The following MIA2 variants were observed in gnomAD, a reference collection of about 807,000 sequenced individuals.
MIA2 encodes MIA SH3 domain ER export factor 2, also known as melanoma inhibitory activity protein 2.
MIA2 carries 127 observed loss-of-function variants against 167.8 expected under a neutral mutation model. That is an observed-to-expected ratio of 0.76 (90% CI 0.66 to 0.88). The LOEUF is 0.88. MIA2 is among the 40% of genes least tolerant of loss of function. The pLI, the probability that MIA2 is intolerant of heterozygous loss-of-function variation, is 0.00. For synonymous variants in MIA2, 552 were observed against 541.9 expected, an observed-to-expected ratio of 1.02 and a Z score of -0.26; for missense variants, 1,690 against 1,624.7, an observed-to-expected ratio of 1.04 and a Z score of -0.69.
chr14:39,247,016 A>T lies in MIA2; in HGVS notation c.442A>T (p.Lys148Ter), dbSNP rs771251525. ...AAATATATATCCTTATGAAGAAGATAAAGATGAAAAATCTAGTATATATGA... is the reference window on the plus strand; with the variant it reads ...AAATATATATCCTTATGAAGAAGATTAAGATGAAAAATCTAGTATATATGA... ...GENIYPYEED[K>*]DEKSSIYESD... Residue 148 changes from lysine (K) to a stop codon, truncating the protein, a stop_gained, in exon 4 of 29, where the codon AAA becomes TAA. Transcript: ENST00000640607. LOFTEE classifies it high-confidence loss of function. 1.3e-6 allele frequency: 2 copies of T among 1,590,836 alleles called. No homozygotes were observed. Among genetic ancestry groups the T allele is most frequent in the African/African-American group, 1.4e-5 (1 of 73,484 alleles).
At chr14:39,357,058 T>C (rs1297181527) in intron 23 of MIA2, among the ~76,000 whole-genome samples, 1 of 152,226 alleles carries the variant, frequency 6.6e-6, no homozygotes, top group East Asian at 1.9e-4. Context: ...TCTGTAGATA[T>C]CTATTAGGTC....
chr14:39,245,926 C>T (rs1340904244), intron 3 of MIA2, among the ~76,000 whole-genome samples: 2 of 152,210 alleles, frequency 1.3e-5, no homozygotes, highest in Middle Eastern at 3.4e-3. Context: ...AACCCTACCT[C>T]AAATCAAGGC....
chr14:39,292,626 AT>A, intron 10 of MIA2: 1 of 273,306 alleles, frequency 3.7e-6, no homozygotes, highest in South Asian at 3.3e-5. Flanking sequence ...TTTTGCTTTT[AT>A]TTTGGCCTGC....
downstream of MIA2, chr14:39,351,122 G>A (rs1349756152): frequency 6.6e-6 from 1 of 152,064 alleles, no homozygotes; most frequent in African/African-American, 2.4e-5. Context: ...GTCATGTTAA[G>A]CTTCTTGCAC....
chr14:39,371,780 C>T (rs1410074620), intron 23 of MIA2, among the ~76,000 whole-genome samples: 1 of 152,186 alleles, frequency 6.6e-6, no homozygotes, highest in East Asian at 1.9e-4. Flanking sequence ...TTCACAGTTA[C>T]ATCTAATGAC....
intron 2 of MIA2, among the ~76,000 whole-genome samples, chr14:39,238,457 G>A (rs143723494): frequency 1.3e-3 from 194 of 152,220 alleles, no homozygotes; most frequent in African/African-American, 4.3e-3. Flanking sequence ...ACAGGCGTGA[G>A]CCACTATGCC....
chr14:39,357,189 G>A (rs1257468823), intron 23 of MIA2, among the ~76,000 whole-genome samples: 1 of 152,182 alleles, frequency 6.6e-6, no homozygotes, highest in Non-Finnish European at 1.5e-5. Context: ...GGGAGTCTTA[G>A]TCCCTTTGTA....
At chr14:39,245,606 T>C (rs1157115667) in intron 3 of MIA2, among the ~76,000 whole-genome samples, 3 of 152,118 alleles carry the variant, frequency 2.0e-5, no homozygotes, top group Non-Finnish European at 4.4e-5. Flanking sequence ...ACTGGATACC[T>C]TACAAAGAAA....
intron 23 of MIA2, among the ~76,000 whole-genome samples, chr14:39,366,988 G>A (rs759035968): frequency 6.6e-6 from 1 of 152,194 alleles, no homozygotes; most frequent in Non-Finnish European, 1.5e-5. Context: ...TGCCAGTGGC[G>A]CACGCTTGGG....
intron 25 of MIA2, among the ~76,000 whole-genome samples, chr14:39,343,121 G>T (rs1293339364): frequency 6.6e-6 from 1 of 151,988 alleles, no homozygotes; most frequent in Non-Finnish European, 1.5e-5. Flanking sequence ...TAGGTAATAG[G>T]GTATGCACAC....
chr14:39,378,016 G>A (rs2075077144), intron 23 of MIA2, among the ~76,000 whole-genome samples: 1 of 152,060 alleles, frequency 6.6e-6, no homozygotes, highest in South Asian at 2.1e-4. Flanking sequence ...TTTCCAAGGG[G>A]CTCCAGTTAT....
intron 6 of MIA2, among the ~76,000 whole-genome samples, chr14:39,258,348 T>G (rs2054916402): frequency 6.6e-6 from 1 of 152,252 alleles, no homozygotes; most frequent in South Asian, 2.1e-4. Flanking sequence ...CTTCAGTCTC[T>G]GATATCCTTT....
chr14:39,269,607 C>T (rs953020444), intron 6 of MIA2, among the ~76,000 whole-genome samples: 1 of 151,630 alleles, frequency 6.6e-6, no homozygotes, highest in African/African-American at 2.4e-5. Flanking sequence ...GCAGCTTAGA[C>T]CTCTCTGGCT....
chr14:39,301,145 C>G (rs957401919), intron 14 of MIA2, among the ~76,000 whole-genome samples: 1 of 151,802 alleles, frequency 6.6e-6, no homozygotes, highest in Admixed American at 6.6e-5. Flanking sequence ...ATTGCAACCT[C>G]TGCCTCGTGG....
intron 23 of MIA2, among the ~76,000 whole-genome samples, chr14:39,369,845 C>G (rs60707380): frequency 7.1e-6 from 1 of 141,534 alleles, no homozygotes; most frequent in Non-Finnish European, 1.5e-5. Flanking sequence ...TTTTGTTTTT[C>G]TCCCCCCTAT....
At chr14:39,316,986 A>T (rs1410365774) in intron 21 of MIA2, among the ~76,000 whole-genome samples, 2 of 152,130 alleles carry the variant, frequency 1.3e-5, no homozygotes, top group African/African-American at 2.4e-5. Flanking sequence ...TCCCTCCCTC[A>T]CCGCTGCGTA....
intron 25 of MIA2, among the ~76,000 whole-genome samples, chr14:39,342,737 T>C (rs1258860946): frequency 6.6e-6 from 1 of 152,230 alleles, no homozygotes; most frequent in East Asian, 1.9e-4. Flanking sequence ...AAAAGCACAC[T>C]ATTTACATGA....
chr14:39,238,811 A>AAAAAAAC, intron 2 of MIA2, among the ~76,000 whole-genome samples: 11 of 103,606 alleles, frequency 1.1e-4, no homozygotes, highest in East Asian at 2.8e-4. Context: ...AAAAAAAAAA[A>AAAAAAAC]CCCAAAAAAC....
At chr14:39,249,970 C>T (rs1046958165) in intron 4 of MIA2, among the ~76,000 whole-genome samples, 4 of 152,162 alleles carry the variant, frequency 2.6e-5, no homozygotes, top group Admixed American at 2.0e-4. Context: ...TATTTAGATT[C>T]TAACCCTTTT....
Sources: allele counts gnomAD v4.1 joint callset (sites outside exome capture counted in the v4.1 genomes callset), GRCh38; gene constraint gnomAD v4.1.1; transcripts MANE v1.5; gene names NCBI Gene and HGNC (gene_info 2026-07-23, HGNC 2026-07-21).